ELOVL7: variants seen among roughly 807,000 people sequenced by gnomAD.
The protein encoded by ELOVL7 is ELOVL fatty acid elongase 7.
A neutral mutation model predicts 35.7 loss-of-function variants in ELOVL7; 27 were observed. The ratio of observed to expected loss-of-function variants is 0.76; its 90% CI spans 0.56 to 1.04. The LOEUF is 1.04. ELOVL7 is among the 50% of genes least tolerant of loss of function. ELOVL7 has a pLI of 0.00. For missense variants in ELOVL7, 327 were observed against 340.8 expected, an observed-to-expected ratio of 0.96 and a Z score of 0.32; for synonymous variants, 113 against 114.6, an observed-to-expected ratio of 0.99 and a Z score of 0.09.
At chr5:60,833,688 A>G (rs1307721100) in intron 1 of ELOVL7, among the ~76,000 whole-genome samples, 1 of 152,204 alleles carries the variant, frequency 6.6e-6, no homozygotes, top group African/African-American at 2.4e-5. Flanking sequence ...AGTGATTCCC[A>G]GTGCTATCAC....
intron 1 of ELOVL7, among the ~76,000 whole-genome samples, chr5:60,817,820 G>GTA (rs1283417935): frequency 3.6e-5 from 5 of 140,636 alleles, no homozygotes; most frequent in African/African-American, 5.3e-5. Context: ...ATATGTGTGT[G>GTA]TGTATATATA....
At chr5:60,815,258 T>C (rs1745452351) in intron 1 of ELOVL7, among the ~76,000 whole-genome samples, 2 of 152,212 alleles carry the variant, frequency 1.3e-5, no homozygotes, top group South Asian at 4.1e-4. Flanking sequence ...TTTGTTCACT[T>C]CCTCCTATAT....
At chr5:60,808,711 T>C (rs1395578783) in intron 1 of ELOVL7, among the ~76,000 whole-genome samples, 1 of 152,182 alleles carries the variant, frequency 6.6e-6, no homozygotes, top group Non-Finnish European at 1.5e-5. Flanking sequence ...CCCAAAATAA[T>C]AAACAACTGA....
At chr5:60,759,660 T>C (rs1018095443) in intron 7 of ELOVL7, among the ~76,000 whole-genome samples, 2 of 152,082 alleles carry the variant, frequency 1.3e-5, no homozygotes, top group African/African-American at 4.8e-5. Context: ...TATTATACTT[T>C]AAGTTTTAGG....
At chr5:60,773,439 A>G (rs1314516891) in intron 3 of ELOVL7, among the ~76,000 whole-genome samples, 1 of 152,136 alleles carries the variant, frequency 6.6e-6, no homozygotes, top group Non-Finnish European at 1.5e-5. Context: ...TATGACTGAT[A>G]ACTCACTTGG....
chr5:60,801,291 G>A (rs563083766), intron 1 of ELOVL7, among the ~76,000 whole-genome samples: 1 of 152,066 alleles, frequency 6.6e-6, no homozygotes, highest in Non-Finnish European at 1.5e-5. Context: ...AGATGTGAAG[G>A]GCTGACTGGA....
chr5:60,781,814 G>A (rs1743273191), intron 3 of ELOVL7, among the ~76,000 whole-genome samples: 1 of 152,078 alleles, frequency 6.6e-6, no homozygotes, highest in African/African-American at 2.4e-5. Flanking sequence ...ATGTCACCTT[G>A]GGCAATTGAC....
intron 3 of ELOVL7, among the ~76,000 whole-genome samples, chr5:60,773,955 T>A (rs1265576615): frequency 6.6e-6 from 1 of 152,278 alleles, no homozygotes; most frequent in African/African-American, 2.4e-5. Flanking sequence ...AACACTATTT[T>A]TTTTGTAGAA....
chr5:60,786,125 AC>A (rs752130717), intron 3 of ELOVL7: 8 of 152,236 alleles, frequency 5.3e-5, no homozygotes, highest in Non-Finnish European at 1.2e-4. Flanking sequence ...ATACCAGAGT[AC>A]TACAACTAAT....
chr5:60,759,365 A>T (rs1283028634), intron 7 of ELOVL7, among the ~76,000 whole-genome samples: 1 of 152,194 alleles, frequency 6.6e-6, no homozygotes. Flanking sequence ...ATTTGAATAA[A>T]CACATTATTG....
chr5:60,808,913 TAA>T (rs1745098108), intron 1 of ELOVL7, among the ~76,000 whole-genome samples: 2 of 152,220 alleles, frequency 1.3e-5, no homozygotes, highest in Non-Finnish European at 1.5e-5. Context: ...TGGAGAAAGC[TAA>T]ACTATAAAGT....
At chr5:60,758,075 C>T (rs1307482490) in intron 7 of ELOVL7, among the ~76,000 whole-genome samples, 2 of 152,114 alleles carry the variant, frequency 1.3e-5, no homozygotes, top group East Asian at 3.8e-4. Context: ...GATCAAGATA[C>T]AGAACATTTC....
chr5:60,757,117 G>A (rs1163241202), intron 8 of ELOVL7, among the ~76,000 whole-genome samples: 1 of 152,008 alleles, frequency 6.6e-6, no homozygotes, highest in African/African-American at 2.4e-5. Context: ...GACTATATAG[G>A]TAAGCACACA....
At position 60,799,214 on chromosome 5, in the gene ELOVL7, GA is replaced by G. The variant is rs1313589664; in HGVS notation, c.-70del. ...TGGGATGCCACAAAAGCAGTTCTAA[GA>G]GGGAAGTTTAAATGCCTATAATAGA... On this transcript the variant is annotated 5_prime_UTR_variant, in exon 2 of 9. Transcript: ENST00000508821. 6.6e-6 allele frequency: 1 copy of G among 152,066 alleles called. No homozygotes were observed. Among genetic ancestry groups the G allele is most frequent in the Non-Finnish European group, 1.5e-5 (1 of 68,010 alleles). The allele number at this position is 152,066 out of a possible 1,614,324, so 9.4% of individuals were successfully genotyped here.
intron 3 of ELOVL7, among the ~76,000 whole-genome samples, chr5:60,785,177 T>C (rs1373999945): frequency 1.3e-5 from 2 of 152,084 alleles, no homozygotes; most frequent in African/African-American, 4.8e-5. Flanking sequence ...CAAATGAGCA[T>C]AACTTCAAAT....
At chr5:60,798,339 C>T (rs577928616) in intron 2 of ELOVL7, among the ~76,000 whole-genome samples, 1 of 152,186 alleles carries the variant, frequency 6.6e-6, no homozygotes, top group South Asian at 2.1e-4. Flanking sequence ...CACAAGTGGT[C>T]AAAGACGTGA....
chr5:60,762,123 A>G (rs1741955505), intron 7 of ELOVL7, among the ~76,000 whole-genome samples: 1 of 152,054 alleles, frequency 6.6e-6, no homozygotes, highest in African/African-American at 2.4e-5. Context: ...CATTTTGTAA[A>G]GAAGAAGAAG....
intron 4 of ELOVL7, among the ~76,000 whole-genome samples, chr5:60,768,424 TGTGATGTGAG>T (rs1206565761): frequency 1.1e-4 from 17 of 152,312 alleles, no homozygotes; most frequent in African/African-American, 4.1e-4. Flanking sequence ...GGCTGGTGAG[TGTGATGTGAG>T]GTGGTAGTCC....
At chr5:60,788,832 G>C (rs1234627223) in intron 2 of ELOVL7, among the ~76,000 whole-genome samples, 1 of 151,852 alleles carries the variant, frequency 6.6e-6, no homozygotes, top group Non-Finnish European at 1.5e-5. Context: ...AGAAAATTCA[G>C]ACTTTCCTCT....
Sources: allele counts gnomAD v4.1 joint callset (sites outside exome capture counted in the v4.1 genomes callset), GRCh38; gene constraint gnomAD v4.1.1; transcripts MANE v1.5; gene names NCBI Gene and HGNC (gene_info 2026-07-23, HGNC 2026-07-21).